Variants in WIPF1 observed in about 807,000 individuals in gnomAD.
The protein encoded by WIPF1 is WAS/WASL interacting protein family member 1, also known as WAS/WASL-interacting protein family member 1.
A neutral mutation model predicts 35.4 loss-of-function variants in WIPF1; 13 were observed. That is an observed-to-expected ratio of 0.37 (90% confidence interval 0.24 to 0.58). The LOEUF is 0.58. WIPF1 is among the 20% of genes least tolerant of loss of function. The pLI is 0.74. For synonymous variants in WIPF1, 267 were observed against 266.3 expected (o/e 1.00, Z -0.02); for missense variants, 591 against 667.0 (o/e 0.89, Z 1.25).
chr2:174,600,575 G>C (rs1685969309), upstream of WIPF1, among the ~76,000 whole-genome samples: 1 of 152,142 alleles, frequency 6.6e-6, no homozygotes, highest in Non-Finnish European at 1.5e-5. Context: ...CTCACGCCTG[G>C]TACACTCATC....
intron 1 of WIPF1, among the ~76,000 whole-genome samples, chr2:174,624,219 G>C (rs1686756328): frequency 6.6e-6 from 1 of 152,304 alleles, no homozygotes; most frequent in Admixed American, 6.5e-5. Context: ...AACAAGCCAT[G>C]GTTAGATGTA....
chr2:174,599,894 C>A (rs774897289), upstream of WIPF1, among the ~76,000 whole-genome samples: 6 of 151,904 alleles, frequency 3.9e-5, no homozygotes, highest in Admixed American at 6.6e-5. Flanking sequence ...TGGTCCCTAA[C>A]CTTTTTGGCA....
chr2:174,609,977 T>C (rs1574833325), intron 1 of WIPF1, among the ~76,000 whole-genome samples: 1 of 152,242 alleles, frequency 6.6e-6, no homozygotes, highest in Admixed American at 6.5e-5. Context: ...CTTTTCTCAG[T>C]GGCTTGGCCA....
chr2:174,618,740 T>C (rs1374494261), intron 1 of WIPF1, among the ~76,000 whole-genome samples: 1 of 152,150 alleles, frequency 6.6e-6, no homozygotes, highest in Non-Finnish European at 1.5e-5. Flanking sequence ...GAGACATAAT[T>C]TAAGCTCAAG....
rs1684514761 is a variant in WIPF1 at position 174,562,570 on chromosome 2, G to A, written c.1489C>T (p.Pro497Ser). ...GATCACCTCGGGATGGGAGGGAGTG[G>A]TGGAGCACCCCTTTCTCTTCGGTTG... ...GSNRRERGAPPLPPIPR is the reference protein window; with the variant it reads ...GSNRRERGAPSLPPIPR The change falls in exon 8 of 8, where the codon CCA (proline) becomes TCA (serine). Residue 497 changes from proline (P) to serine (S), a missense_variant. Coordinates refer to ENST00000679041, the MANE Select transcript of WIPF1 (RefSeq NM_001375834.1). The A allele has an allele frequency of 6.2e-7, 1 of 1,614,074 alleles. No homozygotes were observed. Among genetic ancestry groups the A allele is most frequent in the Admixed American group, 1.7e-5 (1 of 60,010 alleles).
intron 4 of WIPF1, among the ~76,000 whole-genome samples, chr2:174,573,273 A>AAAG (rs1684934808): frequency 6.8e-6 from 1 of 146,892 alleles, no homozygotes; most frequent in South Asian, 2.1e-4. Context: ...GTAATTCTGA[A>AAAG]AAAAAAAAAA....
At chr2:174,646,123 G>A (rs1468868168) in intron 1 of WIPF1, among the ~76,000 whole-genome samples, 1 of 152,200 alleles carries the variant, frequency 6.6e-6, no homozygotes, top group Non-Finnish European at 1.5e-5. Flanking sequence ...AAAGTGTCAG[G>A]AGTGATCCTG....
rs889073936 is a variant in WIPF1, at chr2:174,571,581, T to C, written c.1129+95A>G. On this transcript the variant is annotated intron_variant, in intron 5 of 7. Coordinates refer to ENST00000679041, the MANE Select transcript of WIPF1 (RefSeq NM_001375834.1). The surrounding 1 kb of genome is among the most constrained non-coding windows in gnomAD (Gnocchi z 4.6). ...GCACAAAGCAGTCTGAGTTTACTTA[T>C]GCCTGCTTTTGTTAGACTATCTTGA... The C allele has an allele frequency of 1.3e-6, 2 of 1,547,850 alleles. No individual in the cohort carries two copies. The highest frequency in any genetic ancestry group is 1.8e-6 in the Non-Finnish European group (2 of 1,120,206).
Position 174,572,040 on chromosome 2 carries a change from G to T in WIPF1, c.765C>A (p.Thr255=), listed in dbSNP as rs760597587. The T allele has an allele frequency of 1.4e-5, 22 of 1,549,548 alleles. No homozygotes were observed. The highest frequency in any genetic ancestry group is 2.5e-5 in the South Asian group (2 of 79,556). ...PFSNRPPLPP[T]PSRALDDKPP... is the part of the protein sequence containing the mutation. ...GTTTGTCATCCAAGGCCCTGCTGGG[G>T]GTAGGCGGCAGGGGAGGCCGGTTGG... Residue 255 remains threonine (T), a synonymous_variant, in exon 5 of 8, where the codon ACC becomes ACA. Coordinates refer to ENST00000679041, the MANE Select transcript of WIPF1 (RefSeq NM_001375834.1).
intron 6 of WIPF1, among the ~76,000 whole-genome samples, chr2:174,567,411 G>A (rs1684696409): frequency 6.6e-6 from 1 of 152,258 alleles, no homozygotes; most frequent in Admixed American, 6.5e-5. Context: ...AGAGTGATTA[G>A]GATCCAGCCA....
chr2:174,562,510 C>A lies in WIPF1; in HGVS notation c.*37G>T, dbSNP rs201901584. On this transcript the variant is annotated 3_prime_UTR_variant, in exon 8 of 8. Transcript: ENST00000679041. Reference sequence around the variant, plus strand: ...TGCAGTTCTTAGATAGCAACAGAAGCAGCTCTTGAGCTTGGGTAGAGAAGA... The same window carrying A: ...TGCAGTTCTTAGATAGCAACAGAAGAAGCTCTTGAGCTTGGGTAGAGAAGA... 1.2e-6 allele frequency: 2 copies of A among 1,614,048 alleles called. No homozygotes were observed.
At chr2:174,639,474 G>A (rs540197310) in intron 1 of WIPF1, among the ~76,000 whole-genome samples, 4 of 152,222 alleles carry the variant, frequency 2.6e-5, no homozygotes, top group South Asian at 2.1e-4. Context: ...GGGTGGTCTC[G>A]AACTCCTGGG....
At chr2:174,594,928 A>C (rs1200848208) in intron 1 of WIPF1, among the ~76,000 whole-genome samples, 2 of 150,928 alleles carry the variant, frequency 1.3e-5, no homozygotes, top group African/African-American at 4.9e-5. Context: ...TTGTAATCTC[A>C]GATTCCCAAG....
chr2:174,560,295 T>C lies in WIPF1; in HGVS notation c.*2252A>G, dbSNP rs1030789535. The stretch of plus-strand genomic sequence containing the variant: ...TCTAAAACAATCTATTCTGGATGAA[T>C]GGCAACTTTGAGCTATCACCCTGTT... On this transcript the variant is annotated 3_prime_UTR_variant, in exon 8 of 8. Transcript: ENST00000679041. 1 of 152,660 alleles carries C rather than the reference T, an allele frequency of 6.6e-6. No homozygotes were observed. Among genetic ancestry groups the C allele is most frequent in the Admixed American group, 6.5e-5 (1 of 15,288 alleles). 9.5% of individuals were successfully genotyped at this position (152,660 alleles called of 1,614,324 possible).
rs1684472923 is a variant in WIPF1, at chr2:174,561,070, T to G, written c.*1477A>C. 6.6e-6 allele frequency: 1 copy of G among 152,594 alleles called. No homozygotes were observed. The highest frequency in any genetic ancestry group is 2.1e-4 in the South Asian group (1 of 4,828). 9.5% of individuals were successfully genotyped at this position (152,594 alleles called of 1,614,324 possible). On this transcript the variant is annotated 3_prime_UTR_variant, in exon 8 of 8. Coordinates refer to ENST00000679041, the MANE Select transcript of WIPF1 (RefSeq NM_001375834.1). ...ATTTTTTCCCAACTCTATAGCTAGA[T>G]TTAAAAGTCCCAGTAAAATTTTGTA...
chr2:174,560,518 A>AT lies in WIPF1; in HGVS notation c.*2028dup, dbSNP rs1478017656. 2.0e-5 allele frequency: 3 copies of AT among 152,636 alleles called. No individual in the cohort carries two copies. Among genetic ancestry groups the AT allele is most frequent in the Non-Finnish European group, 4.4e-5 (3 of 68,030 alleles). 9.5% of individuals were successfully genotyped at this position (152,636 alleles called of 1,614,324 possible). A position where few individuals can be genotyped will look rare whatever the true frequency, so the allele number is the denominator to read the frequency against. On this transcript the variant is annotated 3_prime_UTR_variant, in exon 8 of 8. Transcript: ENST00000679041. Reference sequence around the variant, plus strand: ...GGATGTTTTTCACTGTTGAAATCAGATAAAAGAATCCCAAATAAATGATGC... The same window carrying AT: ...GGATGTTTTTCACTGTTGAAATCAGATTAAAAGAATCCCAAATAAATGATGC...
At chr2:174,680,654 C>T (rs1688227204) in intron 1 of WIPF1, among the ~76,000 whole-genome samples, 1 of 152,038 alleles carries the variant, frequency 6.6e-6, no homozygotes. Flanking sequence ...TGACACAGAC[C>T]CAGTAATGAA....
At chr2:174,681,423 A>G (rs1178699699) in intron 1 of WIPF1, among the ~76,000 whole-genome samples, 1 of 152,244 alleles carries the variant, frequency 6.6e-6, no homozygotes, top group Non-Finnish European at 1.5e-5. Context: ...TAGCCTATCA[A>G]GGGTTTTCTC....
At chr2:174,575,162 G>A (rs373287398) in intron 4 of WIPF1, 42 bp downstream of exon 4, 1 of 1,572,056 alleles carries the variant, frequency 6.4e-7, no homozygotes, top group Non-Finnish European at 8.6e-7. Context: ...GCCAAACTCT[G>A]CCTTGTCTTC....
Sources: gnomAD v4.1 joint callset for allele counts (sites outside exome capture counted in the v4.1 genomes callset) on GRCh38, gnomAD v4.1.1 for gene constraint, Gnocchi (gnomAD v3.1) non-coding constraint, MANE v1.5 for transcripts, NCBI Gene and HGNC (gene_info 2026-07-23, HGNC 2026-07-21) for gene names.